The following SQLE variants were observed in gnomAD, a reference collection of about 807,000 sequenced individuals.
The protein encoded by SQLE is squalene monooxygenase.
Under a neutral mutation model 60.7 loss-of-function variants are expected in SQLE, and 29 were observed. That is an observed-to-expected ratio of 0.48 (90% confidence interval 0.36 to 0.65). The LOEUF is 0.65. Among genes scored for constraint, SQLE ranks in the 30% least tolerant of loss-of-function variants. SQLE has a pLI of 0.00. For missense variants in SQLE, 605 were observed against 684.1 expected, an observed-to-expected ratio of 0.88 and a Z score of 1.29; for synonymous variants, 237 against 246.8, an observed-to-expected ratio of 0.96 and a Z score of 0.37.
chr8:125,017,213 C>CT lies in SQLE; in HGVS notation c.1205-845dup, dbSNP rs1485632198. On this transcript the variant is annotated intron_variant, in intron 7 of 10. Transcript: ENST00000265896. ...CCCTTCCCTTGAGGGCAGTGAGCTC[C>CT]TGGGGGCCCAGGACTGGTCCAGAAA... Among the ~76,000 whole-genome samples, 3 of 152,228 alleles carry CT rather than the reference C, an allele frequency of 2.0e-5. No individual in the cohort carries two copies. The East Asian group carries it at 5.8e-4, about 29-fold the overall frequency.
chr8:125,007,938 T>C (rs1342330356), intron 4 of SQLE, among the ~76,000 whole-genome samples: 1 of 152,090 alleles, frequency 6.6e-6, no homozygotes, highest in African/African-American at 2.4e-5. Context: ...AACAGTAATA[T>C]ACATCAGCAG....
chr8:125,008,672 A>C (rs769064679), intron 4 of SQLE, among the ~76,000 whole-genome samples: 3 of 152,214 alleles, frequency 2.0e-5, no homozygotes, highest in Non-Finnish European at 4.4e-5. Context: ...TCTGTGTTAC[A>C]TGCCTGCCTT....
At chr8:125,001,017 A>G (rs1324216063) in intron 1 of SQLE, among the ~76,000 whole-genome samples, 2 of 152,184 alleles carry the variant, frequency 1.3e-5, no homozygotes, top group East Asian at 3.8e-4. Context: ...GCCTGATAAT[A>G]GTAGCTGTTA....
At position 125,016,614 on chromosome 8, in the gene SQLE, T is replaced by C. The variant is rs1815115194; in HGVS notation, c.1205-1445T>C. 2.0e-5 allele frequency among the ~76,000 whole-genome samples: 3 copies of C among 152,192 alleles called. No homozygotes were observed. The highest frequency in any genetic ancestry group is 1.3e-4 in the Admixed American group (2 of 15,284). On this transcript the variant is annotated intron_variant, in intron 7 of 10. Coordinates refer to ENST00000265896, the MANE Select transcript of SQLE (RefSeq NM_003129.4). This position sits in a 1 kb window ranked among gnomAD's most constrained non-coding sequence, Gnocchi z 4.1. ...GATTGGTCACTGGTGCCTTATTTAT[T>C]ATTGTTAATTTAGTGAGTTCATGTT... is the stretch of plus-strand genomic sequence containing the variant.
At chr8:125,004,325 G>A (rs75073101) in intron 2 of SQLE, among the ~76,000 whole-genome samples, 4,225 of 152,150 alleles carry the variant, frequency 0.028, 119 homozygotes, top group South Asian at 0.16. Flanking sequence ...ACCTATTCTT[G>A]CATGTAACTT....
At chr8:125,001,449 GGT>G (rs57946751) in intron 1 of SQLE, among the ~76,000 whole-genome samples, 9,955 of 136,782 alleles carry the variant, frequency 0.073, 410 homozygotes, top group Non-Finnish European at 0.084. Context: ...CTCCTTTCAG[GGT>G]GTGTGTGTGT....
chr8:125,015,215 A>G (rs942183449), intron 7 of SQLE, among the ~76,000 whole-genome samples: 3 of 151,926 alleles, frequency 2.0e-5, no homozygotes, highest in African/African-American at 4.8e-5. Context: ...AAATATCACT[A>G]TGCTCTTTTT....
rs1261820362 is a variant in SQLE, at chr8:125,005,512, G to A, written c.545-13G>A. 3.2e-6 allele frequency: 5 copies of A among 1,555,086 alleles called. No individual in the cohort carries two copies. Among genetic ancestry groups the A allele is most frequent in the Non-Finnish European group, 3.5e-6 (4 of 1,143,800 alleles). On this transcript the variant is annotated splice_polypyrimidine_tract_variant and intron_variant, in intron 2 of 10. Coordinates refer to ENST00000265896, the MANE Select transcript of SQLE (RefSeq NM_003129.4). ...TAACAGAATTGATTGTTTTGAACTC[G>A]ATTGCTTTGCAGATACAGTGGAAGG...
intron 8 of SQLE, 78 bp downstream of exon 8, chr8:125,018,279 GGA>G (rs1815142413): frequency 2.1e-6 from 3 of 1,462,428 alleles, no homozygotes; most frequent in Non-Finnish European, 9.4e-7. Context: ...GCTCTGATGG[GGA>G]GATCTGTACT....
chr8:125,016,932 A>G lies in SQLE; in HGVS notation c.1205-1127A>G, dbSNP rs745431689. Among the ~76,000 whole-genome samples, 3 of 152,120 alleles carry G rather than the reference A, an allele frequency of 2.0e-5. No individual in the cohort carries two copies. Among genetic ancestry groups the G allele is most frequent in the African/African-American group, 7.2e-5 (3 of 41,438 alleles). ...GGAGAATTCCCTGGATTATCAGGAAAAGAACTCTTGGTTCTCTTCCCTTAC... is the reference window on the plus strand; with the variant it reads ...GGAGAATTCCCTGGATTATCAGGAAGAGAACTCTTGGTTCTCTTCCCTTAC... On this transcript the variant is annotated intron_variant, in intron 7 of 10. Coordinates refer to ENST00000265896, the MANE Select transcript of SQLE (RefSeq NM_003129.4). This position sits in a 1 kb window ranked among gnomAD's most constrained non-coding sequence, Gnocchi z 4.1.
chr8:124,998,811 T>C lies in SQLE; in HGVS notation c.-593T>C, dbSNP rs1814791409. 1 of 493,350 alleles carries C rather than the reference T, an allele frequency of 2.0e-6. No individual in the cohort carries two copies. The highest frequency in any genetic ancestry group is 2.7e-5 in the South Asian group (1 of 37,570). 30.6% of individuals were successfully genotyped at this position (493,350 alleles called of 1,614,324 possible). A position where few individuals can be genotyped will look rare whatever the true frequency, so the allele number is the denominator to read the frequency against. ...CTTTTGTTGGAGAAGGCGTCGGCGTTGGCGTTTTCCCGAGGTTGGGCTGTA... is the reference window on the plus strand; with the variant it reads ...CTTTTGTTGGAGAAGGCGTCGGCGTCGGCGTTTTCCCGAGGTTGGGCTGTA... On this transcript the variant is annotated 5_prime_UTR_variant, in exon 1 of 11. Coordinates refer to ENST00000265896, the MANE Select transcript of SQLE (RefSeq NM_003129.4).
chr8:125,007,365 G>C (rs1455768528), intron 3 of SQLE, 26 bp from the exon 4 acceptor site: 1 of 1,478,994 alleles, frequency 6.8e-7, no homozygotes, highest in African/African-American at 1.4e-5. Context: ...TGCTGCTTTA[G>C]AAATGTATTT....
rs1815112066 is a variant in SQLE at position 125,016,382 on chromosome 8, G to A, written c.1205-1677G>A. Among the ~76,000 whole-genome samples, 1 of 151,866 alleles carries A rather than the reference G, an allele frequency of 6.6e-6. No homozygotes were observed. Among genetic ancestry groups the A allele is most frequent in the Admixed American group, 6.6e-5 (1 of 15,254 alleles). ...TTTCTTCTGCTTGATCAGTTCTACT[G>A]TTGAGATTCTGCCATGTTCTTCAGT... is the stretch of plus-strand genomic sequence containing the variant. On this transcript the variant is annotated intron_variant, in intron 7 of 10. Transcript: ENST00000265896. This position sits in a 1 kb window ranked among gnomAD's most constrained non-coding sequence, Gnocchi z 4.1.
At position 125,011,467 on chromosome 8, in the gene SQLE, A is replaced by C. The variant is rs527668037; in HGVS notation, c.1109-70A>C. On this transcript the variant is annotated intron_variant, in intron 6 of 10. Transcript: ENST00000265896. ...AGTAGGCATTTGTTTATACTTGATA[A>C]GAAAATATGTGATACTTTGAAATTG... 4.7e-6 allele frequency: 6 copies of C among 1,279,590 alleles called. No individual in the cohort carries two copies. The African/African-American group carries it at 8.9e-5, about 19-fold the overall frequency. The allele number at this position is 1,279,590 out of a possible 1,614,324, so 79.3% of individuals were successfully genotyped here.
intron 7 of SQLE, among the ~76,000 whole-genome samples, chr8:125,015,499 G>A (rs1268479305): frequency 6.6e-6 from 1 of 151,962 alleles, no homozygotes; most frequent in Non-Finnish European, 1.5e-5. Flanking sequence ...ATTTTCTCTG[G>A]TAGTATGTTT....
At position 124,998,679 on chromosome 8, in the gene SQLE, A is replaced by G. The variant is rs1814787083; in HGVS notation, c.-725A>G. 5 of 647,602 alleles carry G rather than the reference A, an allele frequency of 7.7e-6. No homozygotes were observed. In the South Asian group the frequency reaches 8.0e-5, roughly 10 times the overall value. The allele number at this position is 647,602 out of a possible 1,614,324, so 40.1% of individuals were successfully genotyped here. A position where few individuals can be genotyped will look rare whatever the true frequency, so the allele number is the denominator to read the frequency against. On this transcript the variant is annotated 5_prime_UTR_variant, in exon 1 of 11. Transcript: ENST00000265896. ...GGAAACCACCTTTTATCGGTGGGGA[A>G]GTGCAGTCGCGGTGGGCGGCTCTGG... is the stretch of plus-strand genomic sequence containing the variant.
intron 6 of SQLE, chr8:125,011,220 AT>A (rs1210782453): frequency 2.1e-5 from 4 of 190,774 alleles, no homozygotes; most frequent in African/African-American, 4.7e-5. Flanking sequence ...GTCTGTTAAC[AT>A]TTGGAAGAAA....
intron 3 of SQLE, 21 bp from the exon 4 acceptor site, chr8:125,007,369 TG>T (rs1168838062): frequency 6.7e-7 from 1 of 1,484,986 alleles, no homozygotes; most frequent in Non-Finnish European, 9.1e-7. Context: ...GCTTTAGAAA[TG>T]TATTTTTTTT....
chr8:125,012,399 C>T (rs567714246), intron 7 of SQLE, among the ~76,000 whole-genome samples: 2 of 152,290 alleles, frequency 1.3e-5, no homozygotes, highest in Admixed American at 1.3e-4. Context: ...AAACCCCGTA[C>T]CCATTGGTAT....
Sources: allele counts gnomAD v4.1 joint callset (sites outside exome capture counted in the v4.1 genomes callset), GRCh38; gene constraint gnomAD v4.1.1; non-coding constraint Gnocchi (gnomAD v3.1); transcripts MANE v1.5; gene names NCBI Gene and HGNC (gene_info 2026-07-23, HGNC 2026-07-21).